The following PKNOX2 variants were observed in gnomAD, a reference collection of about 807,000 sequenced individuals.
PKNOX2 encodes homeobox protein PKNOX2.
Under a neutral mutation model 53.1 loss-of-function variants are expected in PKNOX2, and 14 were observed. The observed-to-expected ratio is 0.26, with a 90% confidence interval of 0.17 to 0.41. The LOEUF (loss-of-function observed/expected upper bound fraction) is 0.41. Ranked by LOEUF, PKNOX2 falls within the 10% of genes least tolerant of loss-of-function variation. PKNOX2 has a pLI of 1.00. For missense variants in PKNOX2, 496 were observed against 602.8 expected (o/e 0.82, Z 1.85); for synonymous variants, 257 against 242.8 (o/e 1.06, Z -0.54).
chr11:125,192,202 C>T (rs1038606367), intron 1 of PKNOX2, among the ~76,000 whole-genome samples: 5 of 152,022 alleles, frequency 3.3e-5, no homozygotes, highest in Admixed American at 6.6e-5. Flanking sequence ...TCACCATAAA[C>T]GTGGGGAAAT....
At chr11:125,279,873 C>G (rs1193335012) in intron 2 of PKNOX2, among the ~76,000 whole-genome samples, 5 of 152,184 alleles carry the variant, frequency 3.3e-5, no homozygotes, top group Non-Finnish European at 7.3e-5. Flanking sequence ...TTGACTAAAT[C>G]AAACAATGCG....
At chr11:125,426,388 T>C (rs939008830) in intron 10 of PKNOX2, among the ~76,000 whole-genome samples, 12 of 152,212 alleles carry the variant, frequency 7.9e-5, no homozygotes, top group African/African-American at 2.9e-4. Flanking sequence ...CTTTTTTTCT[T>C]CCCATCTAGT....
chr11:125,194,637 C>T lies in PKNOX2; in HGVS notation c.-201+29861C>T, dbSNP rs562625583. Among the ~76,000 whole-genome samples, 3 of 152,262 alleles carry T rather than the reference C, an allele frequency of 2.0e-5. No homozygotes were observed. The South Asian group carries it at 6.2e-4, about 32-fold the overall frequency. On this transcript the variant is annotated intron_variant, in intron 1 of 12. Coordinates refer to ENST00000298282, the MANE Select transcript of PKNOX2 (RefSeq NM_001382323.2). ...CCTCACTGCAGAGGACCCCAAAGGC[C>T]CACTCTTGCTTCAATGTCCCTTAGG...
intron 6 of PKNOX2, among the ~76,000 whole-genome samples, chr11:125,396,099 A>G (rs1001355064): frequency 6.6e-6 from 1 of 151,932 alleles, no homozygotes; most frequent in Admixed American, 6.6e-5. Flanking sequence ...GACTTCAGGC[A>G]TGCACAACCA....
chr11:125,222,177 C>G (rs1941211258), intron 1 of PKNOX2, among the ~76,000 whole-genome samples: 1 of 152,172 alleles, frequency 6.6e-6, no homozygotes, highest in South Asian at 2.1e-4. Context: ...GAAGCTGAGC[C>G]CACAGAGGGG....
chr11:125,288,839 A>G (rs1947104056), intron 2 of PKNOX2, among the ~76,000 whole-genome samples: 1 of 152,178 alleles, frequency 6.6e-6, no homozygotes, highest in Non-Finnish European at 1.5e-5. Flanking sequence ...CTGAATCTGC[A>G]TTTTAGTGAG....
At chr11:125,336,047 T>C (rs886324111) in intron 3 of PKNOX2, among the ~76,000 whole-genome samples, 1 of 152,240 alleles carries the variant, frequency 6.6e-6, no homozygotes, top group Admixed American at 6.5e-5. Flanking sequence ...GGTTATATGA[T>C]TGATAGCTTT....
At chr11:125,361,844 G>A (rs975382625) in intron 4 of PKNOX2, among the ~76,000 whole-genome samples, 32 of 152,212 alleles carry the variant, frequency 2.1e-4, no homozygotes, top group African/African-American at 6.8e-4. Context: ...TTGGGCCTCC[G>A]GGCTCCAGAA....
At chr11:125,420,049 T>C (rs1409774020) in intron 10 of PKNOX2, among the ~76,000 whole-genome samples, 1 of 150,998 alleles carries the variant, frequency 6.6e-6, no homozygotes, top group Non-Finnish European at 1.5e-5. Flanking sequence ...TAGCCAGGCA[T>C]GGTGGTGGGC....
chr11:125,314,643 G>C (rs1310557249), intron 2 of PKNOX2, among the ~76,000 whole-genome samples: 1 of 152,126 alleles, frequency 6.6e-6, no homozygotes, highest in African/African-American at 2.4e-5. Flanking sequence ...GAGCAGAGGA[G>C]GCAGTGCAGC....
chr11:125,286,295 T>G (rs1324001672), intron 2 of PKNOX2, among the ~76,000 whole-genome samples: 2 of 152,248 alleles, frequency 1.3e-5, no homozygotes, highest in African/African-American at 4.8e-5. Flanking sequence ...AAAACTTGCA[T>G]GTCAACAAAG....
intron 5 of PKNOX2, among the ~76,000 whole-genome samples, chr11:125,377,902 C>T (rs1393174387): frequency 6.6e-6 from 1 of 152,230 alleles, no homozygotes; most frequent in African/African-American, 2.4e-5. Flanking sequence ...CAAGCTTGAT[C>T]TAGGAGAGAT....
chr11:125,351,255 C>T (rs1951294172), intron 3 of PKNOX2, 29 bp from the exon 4 acceptor site: 2 of 940,908 alleles, frequency 2.1e-6, no homozygotes, highest in South Asian at 1.4e-5. Flanking sequence ...GCGGTGTTAA[C>T]GGTGCGGCCC....
chr11:125,267,038 G>A lies in PKNOX2; in HGVS notation c.-130+31923G>A, dbSNP rs1945407703. Among the ~76,000 whole-genome samples the A allele has an allele frequency of 1.3e-5, 2 of 152,198 alleles. 1 individual carries two copies. Among genetic ancestry groups the A allele is most frequent in the South Asian group, 4.1e-4 (2 of 4,830 alleles). On this transcript the variant is annotated intron_variant, in intron 2 of 12. Transcript: ENST00000298282. ...AGAGGCTGTTTAGAGGCCATGAGAG[G>A]GAGGGGTTTTGTCCTTGCTATCATT... is the stretch of plus-strand genomic sequence containing the variant.
intron 1 of PKNOX2, among the ~76,000 whole-genome samples, chr11:125,197,853 C>T (rs559015495): frequency 6.6e-6 from 1 of 152,270 alleles, no homozygotes; most frequent in South Asian, 2.1e-4. Flanking sequence ...CTCCACTCTG[C>T]CCTTCACACA....
intron 1 of PKNOX2, among the ~76,000 whole-genome samples, chr11:125,168,642 C>A (rs1345009855): frequency 6.6e-6 from 1 of 152,180 alleles, no homozygotes; most frequent in Admixed American, 6.5e-5. Flanking sequence ...TCATTAGAGA[C>A]CAAGGCATGC....
intron 2 of PKNOX2, among the ~76,000 whole-genome samples, chr11:125,298,706 A>G (rs548671506): frequency 3.3e-5 from 5 of 152,234 alleles, no homozygotes; most frequent in Non-Finnish European, 7.3e-5. Context: ...TGGATGGATG[A>G]ATGAATGAAT....
intron 4 of PKNOX2, among the ~76,000 whole-genome samples, chr11:125,358,739 T>C (rs1951756248): frequency 6.6e-6 from 1 of 152,202 alleles, no homozygotes; most frequent in South Asian, 2.1e-4. Context: ...GGGAATATTT[T>C]GAGGGGCCTT....
chr11:125,320,617 C>A (rs995417960), intron 2 of PKNOX2, among the ~76,000 whole-genome samples: 1 of 152,226 alleles, frequency 6.6e-6, no homozygotes, highest in South Asian at 2.1e-4. Flanking sequence ...CTAATGGCTC[C>A]TCTATCCTCT....
Sources: gnomAD v4.1 joint callset for allele counts (sites outside exome capture counted in the v4.1 genomes callset) on GRCh38, gnomAD v4.1.1 for gene constraint, MANE v1.5 for transcripts, NCBI Gene and HGNC (gene_info 2026-07-23, HGNC 2026-07-21) for gene names.